PCDHGB2: variants seen among roughly 807,000 people sequenced by gnomAD.
The protein encoded by PCDHGB2 is protocadherin gamma-B2.
Under a neutral mutation model 59.3 loss-of-function variants are expected in PCDHGB2, and 55 were observed. The observed-to-expected ratio is 0.93, with a 90% CI of 0.75 to 1.16. PCDHGB2 has a LOEUF of 1.16. Ranked by LOEUF, PCDHGB2 falls within the 50% of genes most tolerant of loss-of-function variation. The pLI is 0.00. For synonymous variants in PCDHGB2, 516 were observed against 512.0 expected, an observed-to-expected ratio of 1.01 and a Z score of -0.11; for missense variants, 1,228 against 1,198.5, an observed-to-expected ratio of 1.02 and a Z score of -0.36.
intron 3 of PCDHGB2, 146 bp from the exon 4 acceptor site, chr5:141,510,801 A>G: frequency 6.7e-7 from 1 of 1,489,832 alleles, no homozygotes; most frequent in Non-Finnish European, 9.1e-7. Flanking sequence ...AAGAGAGACT[A>G]CCTTGGTGAC....
At chr5:141,414,274 G>A (rs762803658) in intron 1 of PCDHGB2, 23 of 1,613,368 alleles carry the variant, frequency 1.4e-5, no homozygotes, top group Non-Finnish European at 1.9e-5. Flanking sequence ...TTCACCTCTG[G>A]GAACAGTCGT....
At chr5:141,393,664 T>G in intron 1 of PCDHGB2, 1 of 1,613,772 alleles carries the variant, frequency 6.2e-7, no homozygotes, top group Non-Finnish European at 8.5e-7. Flanking sequence ...TTCCGGAAAA[T>G]TAATGAAAAA....
chr5:141,364,214 G>A lies in PCDHGB2; in HGVS notation c.2421+1658G>A, dbSNP rs935384771. 7 of 1,287,292 alleles carry A rather than the reference G, an allele frequency of 5.4e-6. No individual in the cohort carries two copies. In the African/African-American group the frequency reaches 6.0e-5, roughly 11 times the overall value. The allele number at this position is 1,287,292 out of a possible 1,614,324, so 79.7% of individuals were successfully genotyped here. A position where few individuals can be genotyped will look rare whatever the true frequency, so the allele number is the denominator to read the frequency against. On this transcript the variant is annotated intron_variant, in intron 1 of 3. Transcript: ENST00000522605. ...ACACACAGACCAGACAAGCTCCTAC[G>A]AAAAGCCAACGCTCCACGCCCATTT...
intron 1 of PCDHGB2, among the ~76,000 whole-genome samples, chr5:141,464,715 T>C (rs1013508667): frequency 2.0e-5 from 3 of 152,090 alleles, no homozygotes; most frequent in Admixed American, 2.0e-4. Flanking sequence ...AAATAGTTTT[T>C]CATATGTTTA....
At chr5:141,384,573 C>A in intron 1 of PCDHGB2, 1 of 1,614,250 alleles carries the variant, frequency 6.2e-7, no homozygotes, top group Non-Finnish European at 8.5e-7. Context: ...AGAATGACAA[C>A]CCGCCCGAGA....
chr5:141,488,113 T>C (rs1053996929), intron 1 of PCDHGB2, among the ~76,000 whole-genome samples: 1 of 152,084 alleles, frequency 6.6e-6, no homozygotes, highest in African/African-American at 2.4e-5. Flanking sequence ...ATTTGAAACA[T>C]AGAGACAGCA....
rs1236959966 is a variant in PCDHGB2, at chr5:141,511,984, G to C, written c.*811G>C. On this transcript the variant is annotated 3_prime_UTR_variant, in exon 4 of 4. Transcript: ENST00000522605. ...GGGAAGTGTGTGGATGTGGATGGTGGGGGCATGGACAAAGCTTGACACATC... is the reference window on the plus strand; with the variant it reads ...GGGAAGTGTGTGGATGTGGATGGTGCGGGCATGGACAAAGCTTGACACATC... 1 of 153,294 alleles carries C rather than the reference G, an allele frequency of 6.5e-6. No individual in the cohort carries two copies. Among genetic ancestry groups the C allele is most frequent in the African/African-American group, 2.4e-5 (1 of 41,452 alleles). 9.5% of individuals were successfully genotyped at this position (153,294 alleles called of 1,614,324 possible). A position where few individuals can be genotyped will look rare whatever the true frequency, so the allele number is the denominator to read the frequency against.
At chr5:141,428,307 C>T (rs759382004) in intron 1 of PCDHGB2, 5 of 688,034 alleles carry the variant, frequency 7.3e-6, no homozygotes, top group Non-Finnish European at 5.1e-6. Flanking sequence ...TTTACCTGGT[C>T]GTGGCCTTGG....
At chr5:141,497,077 G>A (rs191605427) in intron 2 of PCDHGB2, among the ~76,000 whole-genome samples, 4 of 151,990 alleles carry the variant, frequency 2.6e-5, no homozygotes, top group East Asian at 3.9e-4. Flanking sequence ...TAATCCCAGC[G>A]ACTTAGGAGG....
chr5:141,433,091 A>G (rs1344906248), intron 1 of PCDHGB2: 2 of 1,614,182 alleles, frequency 1.2e-6, no homozygotes, highest in African/African-American at 1.3e-5. Flanking sequence ...CTATGCAGAC[A>G]TGCTCGTCAG....
chr5:141,497,885 A>T (rs1469477968), intron 2 of PCDHGB2, among the ~76,000 whole-genome samples: 1 of 152,166 alleles, frequency 6.6e-6, no homozygotes, highest in Non-Finnish European at 1.5e-5. Flanking sequence ...AAGCGTTAGG[A>T]TCTAGTCCAG....
intron 2 of PCDHGB2, among the ~76,000 whole-genome samples, chr5:141,497,541 T>A (rs1157403777): frequency 1.1e-5 from 1 of 89,566 alleles, no homozygotes; most frequent in Admixed American, 1.2e-4. Context: ...GCAACAAACC[T>A]TTTTTTTTTT....
chr5:141,389,323 G>A (rs1230521211), intron 1 of PCDHGB2: 1 of 1,613,862 alleles, frequency 6.2e-7, no homozygotes. Context: ...CCGGACTTGG[G>A]GCCCAACGGC....
chr5:141,414,690 G>A (rs377704657), intron 1 of PCDHGB2: 53 of 1,613,888 alleles, frequency 3.3e-5, no homozygotes, highest in Middle Eastern at 1.6e-4. Flanking sequence ...GGGTACCTCT[G>A]TCCTCATACA....
intron 1 of PCDHGB2, chr5:141,395,239 T>C: frequency 6.3e-7 from 1 of 1,589,970 alleles, no homozygotes; most frequent in Non-Finnish European, 8.6e-7. Flanking sequence ...CATGGTCAGG[T>C]GAGTTTAGTT....
At chr5:141,406,259 ATCT>A (rs1419106691) in intron 1 of PCDHGB2, among the ~76,000 whole-genome samples, 1 of 151,904 alleles carries the variant, frequency 6.6e-6, no homozygotes, top group East Asian at 1.9e-4. Flanking sequence ...GTCTCAAACG[ATCT>A]TCCTGCTTCA....
chr5:141,360,130 C>T lies in PCDHGB2; in HGVS notation c.-6C>T, dbSNP rs769543573. On this transcript the variant is annotated 5_prime_UTR_variant, in exon 1 of 4. Transcript: ENST00000522605. ...CTATGGGCAAAGGAGCAAAGGGAGCCAGAAGATGAAAGCGAGCTCAGGGAG... is the reference window on the plus strand; with the variant it reads ...CTATGGGCAAAGGAGCAAAGGGAGCTAGAAGATGAAAGCGAGCTCAGGGAG... 2.5e-6 allele frequency: 4 copies of T among 1,588,304 alleles called. No homozygotes were observed. In the Admixed American group the frequency reaches 7.0e-5, roughly 28 times the overall value.
chr5:141,430,632 C>T, intron 1 of PCDHGB2: 1 of 852,604 alleles, frequency 1.2e-6, no homozygotes, highest in Non-Finnish European at 1.7e-6. Flanking sequence ...AATGAACCAT[C>T]CCTGGGAGTA....
At chr5:141,468,487 G>A (rs945439990) in intron 1 of PCDHGB2, 6 of 152,110 alleles carry the variant, frequency 3.9e-5, no homozygotes, top group African/African-American at 1.4e-4. Context: ...TAGGTCTCAT[G>A]GAAGATTTTC....
Sources: allele counts gnomAD v4.1 joint callset (sites outside exome capture counted in the v4.1 genomes callset), GRCh38; gene constraint gnomAD v4.1.1; transcripts MANE v1.5; gene names NCBI Gene and HGNC (gene_info 2026-07-23, HGNC 2026-07-21).